Variants in AMBN observed in about 807,000 individuals in gnomAD.
AMBN encodes the protein enamel matrix protein.
A neutral mutation model predicts 48.0 loss-of-function variants in AMBN; 54 were observed. That is an observed-to-expected ratio of 1.12 (90% CI 0.90 to 1.41). The LOEUF is 1.41. AMBN is among the 40% of genes most tolerant of loss of function. AMBN has a pLI of 0.00. For synonymous variants in AMBN, 186 were observed against 190.0 expected, an observed-to-expected ratio of 0.98 and a Z score of 0.17; for missense variants, 571 against 547.3, an observed-to-expected ratio of 1.04 and a Z score of -0.43.
Position 70,606,421 on chromosome 4 carries a change from A to G in AMBN, c.1035A>G (p.Leu345=). 1 of 1,614,024 alleles carries G rather than the reference A, an allele frequency of 6.2e-7. No homozygotes were observed. Among genetic ancestry groups the G allele is most frequent in the Non-Finnish European group, 8.5e-7 (1 of 1,179,998 alleles). The change falls in exon 13 of 13, where the codon CTA becomes CTG. Residue 345 remains leucine (L), a synonymous_variant. Coordinates refer to ENST00000322937, the MANE Select transcript of AMBN (RefSeq NM_016519.6). ...AAAACCCAGCTTTCCTTACAGAGCT[A>G]GAACCTGCTCCCCACGCAGGGCTCC... ...NLENPAFLTE[L]EPAPHAGLLA...
At position 70,606,583 on chromosome 4, in the gene AMBN, T is replaced by C. The variant is rs1560390425; in HGVS notation, c.1197T>C (p.Asp399=). ...TAGCTGATGTTTATAGGACCTACGA[T>C]GCTGACATGACCACATCCGTGGATT... ...PELADVYRTY[D]ADMTTSVDFQ... The change falls in exon 13 of 13, where the codon GAT becomes GAC. Residue 399 remains aspartate (D), a synonymous_variant. Coordinates refer to ENST00000322937, the MANE Select transcript of AMBN (RefSeq NM_016519.6). The C allele has an allele frequency of 6.2e-7, 1 of 1,614,136 alleles. No individual in the cohort carries two copies. Among genetic ancestry groups the C allele is most frequent in the South Asian group, 1.1e-5 (1 of 91,082 alleles).
Position 70,598,349 on chromosome 4 carries a change from T to A in AMBN, c.136-7T>A. 1.9e-6 allele frequency: 3 copies of A among 1,565,442 alleles called. No homozygotes were observed. The highest frequency in any genetic ancestry group is 2.6e-6 in the Non-Finnish European group (3 of 1,155,508). ...ATAAACAGTAACCCACTTTTTTTTC[T>A]TGATAGACAATGAGACAGTTGGGAA... is the stretch of plus-strand genomic sequence containing the variant. On this transcript the variant is annotated splice_region_variant and splice_polypyrimidine_tract_variant and intron_variant, in intron 3 of 12. Transcript: ENST00000322937.
At position 70,606,576 on chromosome 4, in the gene AMBN, CCT is replaced by C; in HGVS notation, c.1191_1192del (p.Tyr398ArgfsTer3). ...CCTGAATTAGCTGATGTTTATAGGA[CCT>C]ACGATGCTGACATGACCACATCCGT... On this transcript the variant is annotated frameshift_variant, in exon 13 of 13. Coordinates refer to ENST00000322937, the MANE Select transcript of AMBN (RefSeq NM_016519.6). LOFTEE classifies it low-confidence loss of function (END_TRUNC). The C allele has an allele frequency of 6.2e-7, 1 of 1,614,146 alleles. No homozygotes were observed. Among genetic ancestry groups the C allele is most frequent in the Non-Finnish European group, 8.5e-7 (1 of 1,180,014 alleles).
At chr4:70,602,721 C>T in intron 7 of AMBN, 59 bp downstream of exon 7, 1 of 1,474,884 alleles carries the variant, frequency 6.8e-7, no homozygotes, top group Non-Finnish European at 9.1e-7. Context: ...TTTATTTGTT[C>T]ACTTTTTTAT....
intron 5 of AMBN, 30 bp from the exon 6 acceptor site, chr4:70,601,388 T>C (rs1737517410): frequency 1.2e-6 from 2 of 1,607,300 alleles, no homozygotes; most frequent in Non-Finnish European, 1.7e-6. Flanking sequence ...AGCCATCCCT[T>C]CCTAACACTC....
chr4:70,592,297 T>A lies in AMBN; in HGVS notation c.-62T>A. On this transcript the variant is annotated 5_prime_UTR_variant, in exon 1 of 13. Coordinates refer to ENST00000322937, the MANE Select transcript of AMBN (RefSeq NM_016519.6). ...GTCCCACGCACAGTCCTGAAAAAAA[T>A]TTTAATCTTCTTTTCTTAGAACTAT... The A allele has an allele frequency of 1.9e-6, 3 of 1,594,810 alleles. No individual in the cohort carries two copies. The highest frequency in any genetic ancestry group is 1.7e-6 in the Non-Finnish European group (2 of 1,163,926).
chr4:70,604,072 A>G (rs1737586980), intron 12 of AMBN, 151 bp downstream of exon 12: 1 of 665,298 alleles, frequency 1.5e-6, no homozygotes, highest in Non-Finnish European at 2.6e-6. Context: ...ATTCTGAAGC[A>G]ATATCCAAAG....
Position 70,603,631 on chromosome 4 carries a change from GACACAC to G in AMBN, c.753+184_753+189del, listed in dbSNP as rs142764944. ...CTTCCTATTTGGATAATCTTGGCCA[GACACAC>G]ACACACACACACGCACACGCACACA... On this transcript the variant is annotated intron_variant, in intron 11 of 12. Transcript: ENST00000322937. Among the ~76,000 whole-genome samples the G allele has an allele frequency of 1.5e-4, 22 of 149,844 alleles. No individual in the cohort carries two copies. The South Asian group carries it at 3.6e-3, about 24-fold the overall frequency.
chr4:70,600,937 C>T (rs980616066), intron 5 of AMBN, among the ~76,000 whole-genome samples: 1 of 152,128 alleles, frequency 6.6e-6, no homozygotes, highest in Admixed American at 6.5e-5. Context: ...ACCCTTTATC[C>T]TTTCATTAAC....
At chr4:70,602,084 T>C (rs879266025) in intron 6 of AMBN, among the ~76,000 whole-genome samples, 2 of 152,056 alleles carry the variant, frequency 1.3e-5, no homozygotes, top group Non-Finnish European at 2.9e-5. Flanking sequence ...GCAAAAAGTA[T>C]CTTGTAATAA....
chr4:70,601,530 A>G lies in AMBN; in HGVS notation c.407A>G (p.Gln136Arg). Residue 136 changes from glutamine (Q) to arginine (R), a missense_variant, in exon 6 of 13, where the codon CAG (glutamine) becomes CGG (arginine). Coordinates refer to ENST00000322937, the MANE Select transcript of AMBN (RefSeq NM_016519.6). ...FLQSAAATTN[Q>R]ATALKEALQP... The stretch of plus-strand genomic sequence containing the variant: ...CAGTCTGCTGCTGCAACCACCAACC[A>G]GGCCACAGCACTGAAAGAAGCACTT... 1 of 1,614,172 alleles carries G rather than the reference A, an allele frequency of 6.2e-7. No homozygotes were observed. Among genetic ancestry groups the G allele is most frequent in the South Asian group, 1.1e-5 (1 of 91,080 alleles).
intron 4 of AMBN, 146 bp downstream of exon 4, chr4:70,598,549 T>A (rs1344451791): frequency 4.0e-6 from 2 of 494,806 alleles, no homozygotes; most frequent in Non-Finnish European, 6.7e-6. Flanking sequence ...TAAAACAAAA[T>A]AAGATACAGT....
Position 70,603,029 on chromosome 4 carries a change from G to A in AMBN, c.648+19G>A, listed in dbSNP as rs767972285. 4.3e-5 allele frequency: 68 copies of A among 1,591,448 alleles called. No individual in the cohort carries two copies. Among genetic ancestry groups the A allele is most frequent in the Non-Finnish European group, 5.4e-5 (63 of 1,172,686 alleles). On this transcript the variant is annotated intron_variant, in intron 9 of 12. Coordinates refer to ENST00000322937, the MANE Select transcript of AMBN (RefSeq NM_016519.6). ...TTCAACAGTAAGTACAGATCTCAAT[G>A]AGACACTGTCTTGCAAAAACTGTCT...
At chr4:70,599,275 T>C (rs1311392713) in intron 4 of AMBN, among the ~76,000 whole-genome samples, 1 of 151,976 alleles carries the variant, frequency 6.6e-6, no homozygotes, top group Non-Finnish European at 1.5e-5. Flanking sequence ...ACCCCGTCTC[T>C]ACTAAAAATA....
chr4:70,601,395 ACT>A, intron 5 of AMBN, 21 bp from the exon 6 acceptor site: 1 of 1,608,968 alleles, frequency 6.2e-7, no homozygotes, highest in Non-Finnish European at 8.5e-7. Flanking sequence ...CCTTCCTAAC[ACT>A]CTTTTCAAAT....
Position 70,606,618 on chromosome 4 carries a change from A to G in AMBN, c.1232A>G (p.Glu411Gly), listed in dbSNP as rs1250042801. ...DMTTSVDFQE[E>G]ATMDTTMAPN... is the part of the protein sequence containing the mutation. ...ACCACATCCGTGGATTTCCAGGAAG[A>G]AGCAACCATGGATACCACGATGGCC... is the stretch of plus-strand genomic sequence containing the variant. The change falls in exon 13 of 13, where the codon GAA (glutamate) becomes GGA (glycine). Residue 411 changes from glutamate to glycine, a missense_variant. Physicochemically the swap from Glu to Gly is moderately conservative, Grantham distance 98. Transcript: ENST00000322937. 2 of 1,614,140 alleles carry G rather than the reference A, an allele frequency of 1.2e-6. No homozygotes were observed. Among genetic ancestry groups the G allele is most frequent in the Admixed American group, 1.7e-5 (1 of 60,026 alleles).
chr4:70,595,882 A>C (rs1326495838), intron 2 of AMBN, among the ~76,000 whole-genome samples: 2 of 152,232 alleles, frequency 1.3e-5, no homozygotes, highest in Non-Finnish European at 2.9e-5. Context: ...AAGGCTAGGC[A>C]TGGTGGCTCA....
intron 12 of AMBN, among the ~76,000 whole-genome samples, 196 bp from the exon 13 acceptor site, chr4:70,605,989 A>G (rs1293867114): frequency 4.6e-5 from 7 of 152,176 alleles, no homozygotes; most frequent in Non-Finnish European, 7.3e-5. Flanking sequence ...ATCCACCCAG[A>G]TAAGTGCAGA....
chr4:70,606,315 T>A lies in AMBN; in HGVS notation c.929T>A (p.Val310Glu), dbSNP rs1267136268. The change falls in exon 13 of 13, where the codon GTG (valine) becomes GAG (glutamate). Residue 310 changes from valine to glutamate, a missense_variant. Coordinates refer to ENST00000322937, the MANE Select transcript of AMBN (RefSeq NM_016519.6). ...GDFTLEFDSP[V>E]AATKGPENEE... ...TTCACTCTGGAATTTGACTCCCCAGTGGCTGCCACCAAAGGCCCTGAGAAC... is the reference window on the plus strand; with the variant it reads ...TTCACTCTGGAATTTGACTCCCCAGAGGCTGCCACCAAAGGCCCTGAGAAC... 1 of 1,614,086 alleles carries A rather than the reference T, an allele frequency of 6.2e-7. No homozygotes were observed. Among genetic ancestry groups the A allele is most frequent in the Admixed American group, 1.7e-5 (1 of 60,028 alleles).
Sources: gnomAD v4.1 joint callset for allele counts (sites outside exome capture counted in the v4.1 genomes callset) on GRCh38, gnomAD v4.1.1 for gene constraint, MANE v1.5 for transcripts, NCBI Gene and HGNC (gene_info 2026-07-23, HGNC 2026-07-21) for gene names.